The following COL24A1 variants were observed in gnomAD, a reference collection of about 807,000 sequenced individuals.
The protein encoded by COL24A1 is collagen alpha-1(XXIV) chain.
COL24A1 carries 224 observed loss-of-function variants against 253.9 expected under a neutral mutation model. The ratio of observed to expected loss-of-function variants is 0.88; its 90% CI spans 0.79 to 0.99. The LOEUF (loss-of-function observed/expected upper bound fraction) is 0.99, where lower values mean the gene tolerates loss of function less well. Among genes scored for constraint, COL24A1 ranks in the 50% least tolerant of loss-of-function variants. The pLI is 0.00. For missense variants in COL24A1, 2,131 were observed against 2,068.5 expected (o/e 1.03, Z -0.59); for synonymous variants, 685 against 673.7 (o/e 1.02, Z -0.26).
chr1:86,147,381 G>A (rs747414905), intron 1 of COL24A1, among the ~76,000 whole-genome samples: 32 of 152,224 alleles, frequency 2.1e-4, no homozygotes, highest in South Asian at 1.5e-3. Flanking sequence ...TTCTATGGCC[G>A]TACTCAGTCC....
intron 7 of COL24A1, among the ~76,000 whole-genome samples, chr1:86,074,883 C>T (rs1042303257): frequency 1.3e-5 from 2 of 152,160 alleles, no homozygotes; most frequent in African/African-American, 4.8e-5. Context: ...AACAGAATCT[C>T]TGGAGCACAG....
At chr1:86,150,054 C>G (rs536790408) in intron 1 of COL24A1, among the ~76,000 whole-genome samples, 6 of 152,294 alleles carry the variant, frequency 3.9e-5, no homozygotes, top group Admixed American at 3.3e-4. Flanking sequence ...CCCCTGATAT[C>G]TCCAAAGTTC....
chr1:86,148,963 C>T (rs1652339008), intron 1 of COL24A1, among the ~76,000 whole-genome samples: 1 of 152,126 alleles, frequency 6.6e-6, no homozygotes, highest in Non-Finnish European at 1.5e-5. Context: ...TACAGTCCCA[C>T]CAACAGTGTA....
At chr1:86,087,073 A>G (rs183496649) in intron 7 of COL24A1, among the ~76,000 whole-genome samples, 6 of 152,304 alleles carry the variant, frequency 3.9e-5, no homozygotes, top group Admixed American at 3.9e-4. Flanking sequence ...TTATCTCAAG[A>G]AGATCCTGCA....
intron 2 of COL24A1, 149 bp from the exon 3 acceptor site, chr1:86,126,363 A>C: frequency 1.5e-6 from 1 of 684,636 alleles, no homozygotes; most frequent in South Asian, 2.0e-5. Flanking sequence ...TATGGGTAAT[A>C]AGAAATAGGG....
chr1:86,107,904 T>C (rs1705157221), intron 5 of COL24A1, among the ~76,000 whole-genome samples: 1 of 152,160 alleles, frequency 6.6e-6, no homozygotes, highest in South Asian at 2.1e-4. Flanking sequence ...AATTCTTAAA[T>C]TAAATATGAA....
intron 45 of COL24A1, among the ~76,000 whole-genome samples, chr1:85,820,617 C>T (rs1673523196): frequency 6.6e-6 from 1 of 152,192 alleles, no homozygotes; most frequent in Non-Finnish European, 1.5e-5. Context: ...ACCTGCCTTC[C>T]CTACCATCTG....
chr1:85,760,711 A>G (rs922643827), intron 55 of COL24A1, among the ~76,000 whole-genome samples: 6 of 152,154 alleles, frequency 3.9e-5, no homozygotes, highest in African/African-American at 1.4e-4. Flanking sequence ...ACCAAGGACC[A>G]CTGTATTTGA....
chr1:85,732,007 CT>C (rs1434164445), intron 59 of COL24A1, among the ~76,000 whole-genome samples: 1 of 152,120 alleles, frequency 6.6e-6, no homozygotes, highest in African/African-American at 2.4e-5. Flanking sequence ...TAGAAAGTGG[CT>C]GTGAAAATTA....
intron 5 of COL24A1, among the ~76,000 whole-genome samples, chr1:86,108,324 T>G (rs1705192831): frequency 6.6e-6 from 1 of 152,160 alleles, no homozygotes; most frequent in African/African-American, 2.4e-5. Flanking sequence ...GATACAAAGT[T>G]CTTCATTTTC....
chr1:85,915,352 A>G (rs1571202785), intron 24 of COL24A1, among the ~76,000 whole-genome samples: 1 of 152,090 alleles, frequency 6.6e-6, no homozygotes, highest in Non-Finnish European at 1.5e-5. Flanking sequence ...TACACTGTCA[A>G]TTCTTGTGGT....
intron 19 of COL24A1, among the ~76,000 whole-genome samples, chr1:85,995,943 A>T (rs1558940627): frequency 6.6e-6 from 1 of 152,204 alleles, no homozygotes; most frequent in East Asian, 1.9e-4. Flanking sequence ...TACAGCCTGC[A>T]TAACTGTGAG....
At chr1:86,134,085 T>C (rs1649798082) in intron 2 of COL24A1, among the ~76,000 whole-genome samples, 1 of 152,156 alleles carries the variant, frequency 6.6e-6, no homozygotes, top group South Asian at 2.1e-4. Context: ...TGGGAGGGTG[T>C]ATATTTTGAG....
intron 24 of COL24A1, among the ~76,000 whole-genome samples, chr1:85,923,925 A>G (rs1686857892): frequency 1.3e-5 from 2 of 152,216 alleles, no homozygotes; most frequent in African/African-American, 4.8e-5. Context: ...ACTGCTAGCA[A>G]GACTAATAAA....
chr1:85,783,040 C>A (rs1323893524), intron 51 of COL24A1, among the ~76,000 whole-genome samples: 1 of 152,120 alleles, frequency 6.6e-6, no homozygotes, highest in East Asian at 1.9e-4. Context: ...TTAAGCGGTT[C>A]CTCATCACTC....
chr1:85,900,116 C>T (rs1467574104), intron 28 of COL24A1, among the ~76,000 whole-genome samples: 2 of 152,042 alleles, frequency 1.3e-5, no homozygotes, highest in Non-Finnish European at 2.9e-5. Context: ...TTAAGGAATA[C>T]ATATAGTAAT....
chr1:86,135,954 G>T (rs1036546978), intron 2 of COL24A1, among the ~76,000 whole-genome samples: 1 of 152,006 alleles, frequency 6.6e-6, no homozygotes, highest in African/African-American at 2.4e-5. Flanking sequence ...AAGAGGATGG[G>T]CTGTGACTTC....
At chr1:86,145,595 C>A (rs999222034) in intron 2 of COL24A1, among the ~76,000 whole-genome samples, 1 of 151,984 alleles carries the variant, frequency 6.6e-6, no homozygotes, top group Non-Finnish European at 1.5e-5. Context: ...ACTCCTGAAA[C>A]TCTATCATCA....
chr1:86,033,538 T>C (rs1422284136), intron 13 of COL24A1, among the ~76,000 whole-genome samples: 3 of 152,124 alleles, frequency 2.0e-5, no homozygotes, highest in Admixed American at 2.0e-4. Context: ...CAAAGAGCAA[T>C]CGCTGAGTGT....
Sources: gnomAD v4.1 joint callset for allele counts (sites outside exome capture counted in the v4.1 genomes callset) on GRCh38, gnomAD v4.1.1 for gene constraint, MANE v1.5 for transcripts, NCBI Gene and HGNC (gene_info 2026-07-23, HGNC 2026-07-21) for gene names.